Variants in STRIP2 observed in about 807,000 individuals in gnomAD.
The protein encoded by STRIP2 is striatin interacting protein 2, also known as striatin-interacting protein 2.
STRIP2 carries 84 observed loss-of-function variants against 107.1 expected under a neutral mutation model. That is an observed-to-expected ratio of 0.78 (90% CI 0.66 to 0.94). STRIP2 has a LOEUF of 0.94. Among genes scored for constraint, STRIP2 ranks in the 40% least tolerant of loss-of-function variants. The pLI is 0.00. For missense variants in STRIP2, 888 were observed against 1,034.2 expected (o/e 0.86, Z 1.94); for synonymous variants, 394 against 400.4 (o/e 0.98, Z 0.19).
rs1798522486 is a variant in STRIP2, at chr7:129,461,140, A to C, written c.1476+768A>C. Among the ~76,000 whole-genome samples the C allele has an allele frequency of 6.6e-6, 1 of 152,242 alleles. No individual in the cohort carries two copies. Among genetic ancestry groups the C allele is most frequent in the South Asian group, 2.1e-4 (1 of 4,832 alleles). On this transcript the variant is annotated intron_variant, in intron 13 of 20. Coordinates refer to ENST00000249344, the MANE Select transcript of STRIP2 (RefSeq NM_020704.3). The surrounding 1 kb of genome is among the most constrained non-coding windows in gnomAD (Gnocchi z 4.0). ...ATGTAGCTGACAAGACTTGCAGTGC[A>C]TTTGGATGTGGATAGAGAGGCAAAG...
chr7:129,446,353 A>G (rs923705174), intron 3 of STRIP2, among the ~76,000 whole-genome samples: 9 of 151,972 alleles, frequency 5.9e-5, no homozygotes, highest in Non-Finnish European at 1.0e-4. Context: ...TCTTTCCCCA[A>G]TTTTTTTGTC....
chr7:129,476,624 G>A (rs559632888), intron 18 of STRIP2, among the ~76,000 whole-genome samples: 81 of 150,962 alleles, frequency 5.4e-4, no homozygotes, highest in African/African-American at 1.6e-3. Context: ...ATGGGCGGCC[G>A]GGCAGAGACG....
At chr7:129,475,112 TAAATG>T (rs774732909) in intron 18 of STRIP2, among the ~76,000 whole-genome samples, 5 of 152,194 alleles carry the variant, frequency 3.3e-5, no homozygotes, top group Middle Eastern at 6.8e-3. Context: ...ATTCCAAACT[TAAATG>T]AAGGATGGTG....
chr7:129,438,583 G>A (rs1797813932), intron 1 of STRIP2, among the ~76,000 whole-genome samples: 1 of 152,102 alleles, frequency 6.6e-6, no homozygotes, highest in South Asian at 2.1e-4. Context: ...ACAATTCGCT[G>A]ACACCAACTG....
intron 3 of STRIP2, among the ~76,000 whole-genome samples, chr7:129,446,266 A>G (rs1798031460): frequency 6.6e-6 from 1 of 152,102 alleles, no homozygotes; most frequent in South Asian, 2.1e-4. Flanking sequence ...TGCTTTGGTC[A>G]CCCACTGGTG....
intron 14 of STRIP2, among the ~76,000 whole-genome samples, chr7:129,463,481 C>T (rs1476396272): frequency 6.6e-6 from 1 of 152,094 alleles, no homozygotes; most frequent in Admixed American, 6.5e-5. Flanking sequence ...TTCCATCTTC[C>T]CCTTTGAAAA....
intron 16 of STRIP2, among the ~76,000 whole-genome samples, chr7:129,465,557 C>A (rs999170475): frequency 6.6e-6 from 1 of 152,172 alleles, no homozygotes; most frequent in Non-Finnish European, 1.5e-5. Flanking sequence ...TACTGGGCAC[C>A]TATCCTGTGC....
At chr7:129,475,234 G>T (rs1798883979) in intron 18 of STRIP2, among the ~76,000 whole-genome samples, 1 of 152,224 alleles carries the variant, frequency 6.6e-6, no homozygotes, top group African/African-American at 2.4e-5. Context: ...CATCTGAATG[G>T]TTGTTGAGAG....
chr7:129,467,374 G>T lies in STRIP2; in HGVS notation c.1801G>T (p.Val601Leu). 6.2e-7 allele frequency: 1 copy of T among 1,613,352 alleles called. No homozygotes were observed. The highest frequency in any genetic ancestry group is 8.5e-7 in the Non-Finnish European group (1 of 1,179,576). ...YQFEYVSQHL[V>L]FANCIPLILK... ...GTTTGAATATGTATCGCAACATTTGGTATTTGCCAACTGCATCCCCTTGAT... is the reference window on the plus strand; with the variant it reads ...GTTTGAATATGTATCGCAACATTTGTTATTTGCCAACTGCATCCCCTTGAT... The change falls in exon 17 of 21, where the codon GTA becomes TTA. Residue 601 changes from valine (V) to leucine (L), a missense_variant. Transcript: ENST00000249344.
intron 18 of STRIP2, among the ~76,000 whole-genome samples, chr7:129,479,491 CT>C (rs10558221): frequency 0.037 from 5,022 of 136,314 alleles, 192 homozygotes; most frequent in African/African-American, 0.1. Flanking sequence ...AATAATGTTT[CT>C]TTTTTTTTTT....
At chr7:129,477,167 A>G (rs1255684869) in intron 18 of STRIP2, among the ~76,000 whole-genome samples, 9 of 87,842 alleles carry the variant, frequency 1.0e-4, no homozygotes, top group Non-Finnish European at 1.4e-4. Context: ...AGACCGTGGA[A>G]AGAGGGAGAG....
At chr7:129,464,764 C>T (rs747015237) in intron 16 of STRIP2, 26 bp downstream of exon 16, 2 of 1,613,940 alleles carry the variant, frequency 1.2e-6, no homozygotes, top group Admixed American at 1.7e-5. Flanking sequence ...CACTTCTCCA[C>T]AGGTCTTGGG....
chr7:129,443,877 G>T (rs765880292), intron 2 of STRIP2, 147 bp from the exon 3 acceptor site: 1 of 671,486 alleles, frequency 1.5e-6, no homozygotes, highest in Non-Finnish European at 2.6e-6. Flanking sequence ...TATTTTTAAC[G>T]TTGCTCTGAA....
chr7:129,465,064 G>C (rs1352699381), intron 16 of STRIP2, among the ~76,000 whole-genome samples: 1 of 151,940 alleles, frequency 6.6e-6, no homozygotes, highest in East Asian at 1.9e-4. Flanking sequence ...GGGGGGGTGG[G>C]GGGAGTATGT....
At chr7:129,449,593 A>G (rs892929435) in intron 3 of STRIP2, among the ~76,000 whole-genome samples, 1 of 152,186 alleles carries the variant, frequency 6.6e-6, no homozygotes. Context: ...AAAAAGGTTC[A>G]TCAGAGTTTA....
At chr7:129,485,471 AAG>A (rs1491008740) in intron 20 of STRIP2, 106 bp from the exon 21 acceptor site, 21 of 1,277,956 alleles carry the variant, frequency 1.6e-5, no homozygotes, top group South Asian at 3.1e-5. Context: ...AAAAAAAAAA[AAG>A]AATTTCTGAG....
intron 3 of STRIP2, among the ~76,000 whole-genome samples, chr7:129,447,358 A>G (rs1798064752): frequency 1.3e-5 from 2 of 152,228 alleles, no homozygotes; most frequent in South Asian, 4.1e-4. Flanking sequence ...CTAAGAAGGA[A>G]TATCTCAACA....
intron 12 of STRIP2, among the ~76,000 whole-genome samples, chr7:129,460,092 T>A (rs1030748736): frequency 6.6e-6 from 1 of 152,070 alleles, no homozygotes; most frequent in African/African-American, 2.4e-5. Flanking sequence ...AGAAACAGAA[T>A]TTTAAAAAAA....
chr7:129,458,916 T>C lies in STRIP2; in HGVS notation c.1340+139T>C, dbSNP rs1798446471. The C allele has an allele frequency of 1.6e-5, 11 of 693,186 alleles. No homozygotes were observed. In the South Asian group the frequency reaches 2.3e-4, roughly 14 times the overall value. 42.9% of individuals were successfully genotyped at this position (693,186 alleles called of 1,614,324 possible). A position where few individuals can be genotyped will look rare whatever the true frequency, so the allele number is the denominator to read the frequency against. ...TAGGCCATGGACAACTCCCAGTGAC[T>C]ACTTTGGGTTCTTTCTATGGATTTC... On this transcript the variant is annotated intron_variant, in intron 11 of 20. Coordinates refer to ENST00000249344, the MANE Select transcript of STRIP2 (RefSeq NM_020704.3). This position sits in a 1 kb window ranked among gnomAD's most constrained non-coding sequence, Gnocchi z 4.6.
Sources: gnomAD v4.1 joint callset for allele counts (sites outside exome capture counted in the v4.1 genomes callset) on GRCh38, gnomAD v4.1.1 for gene constraint, Gnocchi (gnomAD v3.1) non-coding constraint, MANE v1.5 for transcripts, NCBI Gene and HGNC (gene_info 2026-07-23, HGNC 2026-07-21) for gene names.